The following NUP153 variants were observed in gnomAD, a reference collection of about 807,000 sequenced individuals.
NUP153 encodes the protein nuclear pore complex protein Nup153.
In NUP153, 27 loss-of-function variants were observed where a neutral mutation model predicts 134.6. The ratio of observed to expected loss-of-function variants is 0.20; its 90% CI spans 0.15 to 0.28. The LOEUF is 0.28. Among genes scored for constraint, NUP153 ranks in the 10% least tolerant of loss-of-function variants. The probability of loss-of-function intolerance (pLI) is 1.00; values close to 1 mark genes in which losing one functional copy is unlikely to be tolerated. For synonymous variants in NUP153, 640 were observed against 623.5 expected (o/e 1.03, Z -0.40); for missense variants, 1,821 against 1,731.3 (o/e 1.05, Z -0.92).
intron 11 of NUP153, 101 bp from the exon 12 acceptor site, chr6:17,649,401 T>C (rs891642214): frequency 5.7e-5 from 63 of 1,105,232 alleles, no homozygotes; most frequent in Non-Finnish European, 7.6e-5. Context: ...GATGGTACCA[T>C]GTAGTGTTAA....
chr6:17,702,382 C>G (rs1770173033), intron 1 of NUP153, among the ~76,000 whole-genome samples: 3 of 152,166 alleles, frequency 2.0e-5, no homozygotes, highest in Admixed American at 2.0e-4. Flanking sequence ...TGGCAAGGCA[C>G]CTGTAGTCCC....
chr6:17,678,042 CTTCTAATGT>C (rs1324290528), intron 2 of NUP153, among the ~76,000 whole-genome samples: 2 of 151,954 alleles, frequency 1.3e-5, no homozygotes, highest in Admixed American at 1.3e-4. Flanking sequence ...AATAAGATTG[CTTCTAATGT>C]TTCACCATTA....
intron 5 of NUP153, among the ~76,000 whole-genome samples, 171 bp downstream of exon 5, chr6:17,674,734 C>T (rs1204066389): frequency 1.3e-5 from 2 of 151,640 alleles, no homozygotes; most frequent in African/African-American, 2.4e-5. Flanking sequence ...ATTGTGCCAC[C>T]GCACTCCAGC....
chr6:17,628,808 G>C lies in NUP153; in HGVS notation c.3391C>G (p.Pro1131Ala), dbSNP rs751355780. ...TCTGAATTCCCAAAGGAAAACACTG[G>C]TTGACACTTTGGCTCTTCATTGTCA... ...KADNEEPKCQ[P>A]VFSFGNSEQT... is the part of the protein sequence containing the mutation. The change falls in exon 18 of 22, where the codon CCA becomes GCA. Residue 1131 changes from proline (P) to alanine (A), a missense_variant. Pro to Ala is a conservative substitution (Grantham distance 27). Coordinates refer to ENST00000262077, the MANE Select transcript of NUP153 (RefSeq NM_005124.4). This position sits in a 1 kb window ranked among gnomAD's most constrained non-coding sequence, Gnocchi z 5.4. 1.9e-6 allele frequency: 3 copies of C among 1,614,098 alleles called. No homozygotes were observed. The highest frequency in any genetic ancestry group is 2.2e-5 in the South Asian group (2 of 91,086).
At chr6:17,702,982 C>CGCCTGTAATACCAGCA (rs1554148921) in intron 1 of NUP153, among the ~76,000 whole-genome samples, 1 of 151,574 alleles carries the variant, frequency 6.6e-6, no homozygotes, top group South Asian at 2.1e-4. Context: ...GGGTGGATCA[C>CGCCTGTAATACCAGCA]CTGAGGTCAG....
At chr6:17,703,495 T>G (rs748484661) in intron 1 of NUP153, among the ~76,000 whole-genome samples, 2 of 152,064 alleles carry the variant, frequency 1.3e-5, no homozygotes, top group Non-Finnish European at 2.9e-5. Flanking sequence ...TCAAATAACA[T>G]TAGTATAAAA....
intron 2 of NUP153, among the ~76,000 whole-genome samples, chr6:17,687,988 A>G (rs1769037215): frequency 6.6e-6 from 1 of 152,014 alleles, no homozygotes; most frequent in African/African-American, 2.4e-5. Flanking sequence ...GTGTGGTGGC[A>G]GGCGCCTGTA....
At position 17,706,674 on chromosome 6, in the gene NUP153, A is replaced by C; in HGVS notation, c.-287T>G. The C allele has an allele frequency of 2.0e-6, 1 of 493,336 alleles. No homozygotes were observed. Among genetic ancestry groups the C allele is most frequent in the Non-Finnish European group, 3.6e-6 (1 of 276,068 alleles). The allele number at this position is 493,336 out of a possible 1,614,324, so 30.6% of individuals were successfully genotyped here. On this transcript the variant is annotated 5_prime_UTR_variant, in exon 1 of 22. Transcript: ENST00000262077. This position sits in a 1 kb window ranked among gnomAD's most constrained non-coding sequence, Gnocchi z 5.9. ...TCTGTGTGTGTCACGGTCTCTATGG[A>C]GATCTCCCGCAGAGGACAGCACGAA...
At chr6:17,645,461 CT>C (rs1426853211) in intron 14 of NUP153, among the ~76,000 whole-genome samples, 1 of 137,338 alleles carries the variant, frequency 7.3e-6, no homozygotes, top group Non-Finnish European at 1.6e-5. Flanking sequence ...CTGGTTATTT[CT>C]TTTTCTTTTT....
intron 5 of NUP153, among the ~76,000 whole-genome samples, chr6:17,671,673 GATGCCT>G (rs1462218810): frequency 1.3e-5 from 2 of 152,110 alleles, no homozygotes; most frequent in African/African-American, 4.8e-5. Context: ...ATTTTGTTAA[GATGCCT>G]ATTCTCCCCA....
intron 1 of NUP153, among the ~76,000 whole-genome samples, chr6:17,697,600 A>T (rs1769737532): frequency 1.3e-5 from 2 of 152,172 alleles, no homozygotes. Flanking sequence ...GGGAGGGAGA[A>T]TTGCTTGAAC....
intron 8 of NUP153, among the ~76,000 whole-genome samples, chr6:17,665,728 T>A (rs1236294465): frequency 1.3e-5 from 2 of 152,052 alleles, no homozygotes; most frequent in Non-Finnish European, 2.9e-5. Flanking sequence ...TTTTTTGTTT[T>A]TTTTTTTTAA....
At chr6:17,633,573 G>A (rs934980865) in intron 16 of NUP153, among the ~76,000 whole-genome samples, 3 of 152,156 alleles carry the variant, frequency 2.0e-5, no homozygotes, top group Non-Finnish European at 4.4e-5. Flanking sequence ...ATCACCAAGT[G>A]ACAACCTAAA....
intron 2 of NUP153, among the ~76,000 whole-genome samples, chr6:17,682,818 C>G (rs567441689): frequency 3.3e-5 from 5 of 150,082 alleles, no homozygotes; most frequent in Non-Finnish European, 7.4e-5. Flanking sequence ...CTCGGGAGAC[C>G]GAGGCAGGAG....
chr6:17,690,947 G>A (rs902350043), intron 1 of NUP153, among the ~76,000 whole-genome samples: 6 of 151,976 alleles, frequency 3.9e-5, no homozygotes, highest in African/African-American at 7.2e-5. Flanking sequence ...AGACCAGCCT[G>A]ACCAATATGA....
At chr6:17,697,778 C>A (rs1194008629) in intron 1 of NUP153, among the ~76,000 whole-genome samples, 1 of 151,776 alleles carries the variant, frequency 6.6e-6, no homozygotes, top group Non-Finnish European at 1.5e-5. Context: ...GAAGGCTATT[C>A]TATAACACTA....
rs996654723 is a variant in NUP153 at position 17,665,140 on chromosome 6, T to C, written c.1215+99A>G. 18 of 833,734 alleles carry C rather than the reference T, an allele frequency of 2.2e-5. No homozygotes were observed. In the African/African-American group the frequency reaches 2.6e-4, roughly 12 times the overall value. The allele number at this position is 833,734 out of a possible 1,614,324, so 51.6% of individuals were successfully genotyped here. A position where few individuals can be genotyped will look rare whatever the true frequency, so the allele number is the denominator to read the frequency against. ...ACTAATTCACAACCTTTATGTGTTATACAGTTGCTAGAATACAATGGTAGT... is the reference window on the plus strand; with the variant it reads ...ACTAATTCACAACCTTTATGTGTTACACAGTTGCTAGAATACAATGGTAGT... On this transcript the variant is annotated intron_variant, in intron 9 of 21. Coordinates refer to ENST00000262077, the MANE Select transcript of NUP153 (RefSeq NM_005124.4).
chr6:17,623,149 G>A (rs1179218019), intron 20 of NUP153, among the ~76,000 whole-genome samples: 4 of 149,484 alleles, frequency 2.7e-5, no homozygotes, highest in Non-Finnish European at 5.9e-5. Context: ...AAAAAAAGAC[G>A]ATGACAACAG....
intron 11 of NUP153, among the ~76,000 whole-genome samples, chr6:17,653,750 T>C (rs966722118): frequency 2.0e-5 from 3 of 152,184 alleles, no homozygotes; most frequent in African/African-American, 7.2e-5. Context: ...GGCAACTGAC[T>C]GAGAAGGAGG....
Sources: allele counts gnomAD v4.1 joint callset (sites outside exome capture counted in the v4.1 genomes callset), GRCh38; gene constraint gnomAD v4.1.1; non-coding constraint Gnocchi (gnomAD v3.1); transcripts MANE v1.5; gene names NCBI Gene and HGNC (gene_info 2026-07-23, HGNC 2026-07-21).